The following EPHA6 variants were observed in gnomAD, a reference collection of about 807,000 sequenced individuals.
The protein encoded by EPHA6 is ephrin type-A receptor 6.
In EPHA6, 50 loss-of-function variants were observed where a neutral mutation model predicts 112.0. That is an observed-to-expected ratio of 0.45 (90% CI 0.36 to 0.56). The LOEUF is 0.56. Ranked by LOEUF, EPHA6 falls within the 20% of genes least tolerant of loss-of-function variation. The probability of loss-of-function intolerance (pLI) is 0.00; values close to 1 mark genes in which losing one functional copy is unlikely to be tolerated. For missense variants in EPHA6, 1,280 were observed against 1,417.4 expected (o/e 0.90, Z 1.56); for synonymous variants, 529 against 490.7 (o/e 1.08, Z -1.03).
At chr3:97,275,835 G>A (rs957034767) in intron 5 of EPHA6, among the ~76,000 whole-genome samples, 2 of 151,984 alleles carry the variant, frequency 1.3e-5, no homozygotes, top group African/African-American at 4.8e-5. Context: ...TTAAGGTGGG[G>A]GGATATGACA....
intron 14 of EPHA6, among the ~76,000 whole-genome samples, chr3:97,641,721 G>C (rs185133284): frequency 6.6e-6 from 1 of 152,220 alleles, no homozygotes; most frequent in South Asian, 2.1e-4. Context: ...CGAATATTGC[G>C]CTTTTCAGAC....
intron 5 of EPHA6, among the ~76,000 whole-genome samples, chr3:97,301,418 T>A (rs1416803545): frequency 2.0e-5 from 3 of 152,194 alleles, no homozygotes; most frequent in Non-Finnish European, 2.9e-5. Flanking sequence ...GTTCTTACTA[T>A]GTATCAGGCA....
At chr3:97,670,608 A>G (rs1340659921) in intron 14 of EPHA6, among the ~76,000 whole-genome samples, 1 of 152,186 alleles carries the variant, frequency 6.6e-6, no homozygotes, top group Non-Finnish European at 1.5e-5. Flanking sequence ...CTGGTTGTGC[A>G]ACACATAGGG....
At chr3:97,472,581 C>A (rs2100672) in intron 7 of EPHA6, among the ~76,000 whole-genome samples, 1 of 151,398 alleles carries the variant, frequency 6.6e-6, no homozygotes, top group Non-Finnish European at 1.5e-5. Flanking sequence ...CTGTGATGGA[C>A]CAACACTAAT....
At chr3:97,409,535 C>G (rs1353351969) in intron 6 of EPHA6, among the ~76,000 whole-genome samples, 1 of 152,052 alleles carries the variant, frequency 6.6e-6, no homozygotes, top group Non-Finnish European at 1.5e-5. Context: ...GCAGATGTCT[C>G]AGAAAGTCAG....
chr3:97,715,888 T>TA (rs2034195573), intron 14 of EPHA6, among the ~76,000 whole-genome samples: 1 of 152,228 alleles, frequency 6.6e-6, no homozygotes, highest in African/African-American at 2.4e-5. Flanking sequence ...GTTTTACTAA[T>TA]AAACATTTTA....
At chr3:97,563,999 G>A (rs982161260) in intron 11 of EPHA6, among the ~76,000 whole-genome samples, 3 of 152,052 alleles carry the variant, frequency 2.0e-5, no homozygotes, top group Admixed American at 6.6e-5. Flanking sequence ...TTCAGAAGAT[G>A]GAGGCTAATA....
intron 1 of EPHA6, among the ~76,000 whole-genome samples, chr3:96,821,855 T>C (rs2033284831): frequency 6.6e-6 from 1 of 151,894 alleles, no homozygotes; most frequent in Non-Finnish European, 1.5e-5. Flanking sequence ...ATGCTAAGTA[T>C]TGAGGTTACA....
chr3:97,484,036 G>T lies in EPHA6; in HGVS notation c.2177G>T (p.Arg726Leu). 1 of 1,606,728 alleles carries T rather than the reference G, an allele frequency of 6.2e-7. No homozygotes were observed. Among genetic ancestry groups the T allele is most frequent in the South Asian group, 1.1e-5 (1 of 89,082 alleles). The change falls in exon 10 of 18, where the codon CGT becomes CTT. Residue 726 changes from arginine to leucine, a missense_variant. Around this residue, in one of 4 missense-constraint regions of EPHA6, gnomAD observed 878 missense variants for 999.7 expected, o/e 0.88. Transcript: ENST00000389672. Reference sequence around the variant, plus strand: ...AAGGAGATTGATCCCTCAAGAATTCGTATTGAGAGAGTCATTGGGGCAGGT... The same window carrying T: ...AAGGAGATTGATCCCTCAAGAATTCTTATTGAGAGAGTCATTGGGGCAGGT... ...FAKEIDPSRI[R>L]IERVIGAGEF...
intron 5 of EPHA6, among the ~76,000 whole-genome samples, chr3:97,289,779 T>A (rs2080613144): frequency 1.3e-5 from 2 of 152,116 alleles, no homozygotes; most frequent in Admixed American, 1.3e-4. Flanking sequence ...ATCTTTCACC[T>A]CCTTGGTTAC....
At chr3:97,734,856 G>A (rs146746387) in intron 15 of EPHA6, among the ~76,000 whole-genome samples, 5 of 151,944 alleles carry the variant, frequency 3.3e-5, no homozygotes, top group African/African-American at 1.2e-4. Context: ...ATGTTCACAC[G>A]GATACTTTTG....
At chr3:97,049,203 C>T (rs142238388) in intron 3 of EPHA6, among the ~76,000 whole-genome samples, 4 of 152,240 alleles carry the variant, frequency 2.6e-5, no homozygotes, top group Non-Finnish European at 4.4e-5. Context: ...ACATAAGATA[C>T]ATTGGAGAAA....
Position 97,757,536 on chromosome 3 carries a change from A to T in EPHA6, c.*8835A>T. Reference sequence around the variant, plus strand: ...ATTGGACTGCCATAGCACTTTAAACATATTAATAAATTATCCCATGGATAA... The same window carrying T: ...ATTGGACTGCCATAGCACTTTAAACTTATTAATAAATTATCCCATGGATAA... On this transcript the variant is annotated 3_prime_UTR_variant, in exon 18 of 18. Transcript: ENST00000389672. Among the ~76,000 whole-genome samples, 1 of 151,702 alleles carries T rather than the reference A, an allele frequency of 6.6e-6. No homozygotes were observed. The highest frequency in any genetic ancestry group is 1.9e-4 in the East Asian group (1 of 5,190).
intron 2 of EPHA6, among the ~76,000 whole-genome samples, chr3:96,922,086 A>G (rs907524139): frequency 6.6e-6 from 1 of 152,210 alleles, no homozygotes; most frequent in African/African-American, 2.4e-5. Flanking sequence ...AGCCTTTTTA[A>G]GAAAAGCCTT....
intron 6 of EPHA6, among the ~76,000 whole-genome samples, chr3:97,418,322 C>T (rs1490763375): frequency 6.6e-6 from 1 of 151,822 alleles, no homozygotes; most frequent in African/African-American, 2.4e-5. Flanking sequence ...GCATACAATA[C>T]TTATATGAAT....
intron 10 of EPHA6, among the ~76,000 whole-genome samples, chr3:97,526,446 T>G (rs1304823560): frequency 6.7e-6 from 1 of 149,624 alleles, no homozygotes; most frequent in Admixed American, 6.7e-5. Context: ...TTAAATCTGC[T>G]GTGGAACTGA....
intron 5 of EPHA6, among the ~76,000 whole-genome samples, chr3:97,340,048 A>G (rs1284028564): frequency 1.3e-5 from 2 of 152,220 alleles, no homozygotes; most frequent in African/African-American, 4.8e-5. Context: ...TTTTTTCCAG[A>G]TGAAATTTCA....
chr3:97,450,084 A>G (rs897138442), intron 7 of EPHA6, among the ~76,000 whole-genome samples: 2 of 152,164 alleles, frequency 1.3e-5, no homozygotes, highest in Non-Finnish European at 2.9e-5. Flanking sequence ...TATCAGTAAT[A>G]GTCATTTAAA....
chr3:97,553,216 A>C (rs1481213004), intron 11 of EPHA6, among the ~76,000 whole-genome samples: 1 of 151,558 alleles, frequency 6.6e-6, no homozygotes, highest in African/African-American at 2.4e-5. Context: ...TCTCCCCTTC[A>C]CCCCTGCTAA....
Sources: allele counts gnomAD v4.1 joint callset (sites outside exome capture counted in the v4.1 genomes callset), GRCh38; gene constraint gnomAD v4.1.1; regional missense constraint gnomAD v4.1.1; transcripts MANE v1.5; gene names NCBI Gene and HGNC (gene_info 2026-07-23, HGNC 2026-07-21).